ADIPOR2: variants seen among roughly 807,000 people sequenced by gnomAD.
The protein encoded by ADIPOR2 is adiponectin receptor protein 2.
In ADIPOR2, 18 loss-of-function variants were observed where a neutral mutation model predicts 40.9. The ratio of observed to expected loss-of-function variants is 0.44; its 90% CI spans 0.30 to 0.65. The LOEUF is 0.65. Among genes scored for constraint, ADIPOR2 ranks in the 30% least tolerant of loss-of-function variants. The pLI is 0.09. For synonymous variants in ADIPOR2, 165 were observed against 166.4 expected (o/e 0.99, Z 0.06); for missense variants, 283 against 479.2 (o/e 0.59, Z 3.82).
chr12:1,751,979 C>T (rs758252066), intron 1 of ADIPOR2, among the ~76,000 whole-genome samples: 6 of 150,932 alleles, frequency 4.0e-5, no homozygotes, highest in Non-Finnish European at 7.4e-5. Context: ...ATGATCTCGG[C>T]TCACTGCAGC....
At chr12:1,724,537 C>A (rs1211511099) in intron 1 of ADIPOR2, among the ~76,000 whole-genome samples, 1 of 152,046 alleles carries the variant, frequency 6.6e-6, no homozygotes, top group Non-Finnish European at 1.5e-5. Context: ...TTCAGTTTTG[C>A]AAGTTGTAGA....
At chr12:1,779,858 G>A (rs1034111707) in intron 4 of ADIPOR2, among the ~76,000 whole-genome samples, 1 of 152,150 alleles carries the variant, frequency 6.6e-6, no homozygotes, top group Admixed American at 6.5e-5. Flanking sequence ...TAAGCAATAG[G>A]AACATGGCAT....
In ADIPOR2 at chr12:1,786,920, T is replaced by C. The variant is rs1252403991; in HGVS notation, c.*848T>C. The C allele has an allele frequency of 6.6e-6, 1 of 152,136 alleles. No homozygotes were observed. The highest frequency in any genetic ancestry group is 1.9e-4 in the East Asian group (1 of 5,192). 9.4% of individuals were successfully genotyped at this position (152,136 alleles called of 1,614,324 possible). ...GATAAAGGCTCTAGTTAGGGTGTCA[T>C]TGTCATTTGAGAGACTGACACACTC... is the stretch of plus-strand genomic sequence containing the variant. On this transcript the variant is annotated 3_prime_UTR_variant, in exon 8 of 8. Transcript: ENST00000357103.
At chr12:1,771,171 C>T (rs866661541) in intron 2 of ADIPOR2, among the ~76,000 whole-genome samples, 1 of 152,146 alleles carries the variant, frequency 6.6e-6, no homozygotes, top group African/African-American at 2.4e-5. Context: ...CGCATGTGCA[C>T]ACAACAGACA....
chr12:1,692,099 T>TA (rs1555164655), intron 1 of ADIPOR2, among the ~76,000 whole-genome samples: 25 of 151,536 alleles, frequency 1.6e-4, no homozygotes, highest in Admixed American at 1.3e-3. Context: ...TTTTTTTTTT[T>TA]ATCACCCCTT....
intron 1 of ADIPOR2, among the ~76,000 whole-genome samples, chr12:1,723,667 A>G (rs770694518): frequency 1.3e-5 from 2 of 151,744 alleles, no homozygotes; most frequent in Non-Finnish European, 2.9e-5. Context: ...AAACAAAACA[A>G]CAACAACAAA....
chr12:1,769,690 C>T (rs1344769987), intron 2 of ADIPOR2, among the ~76,000 whole-genome samples: 2 of 151,930 alleles, frequency 1.3e-5, no homozygotes, highest in East Asian at 1.9e-4. Context: ...TACAGGCGCT[C>T]GCCACCTCAC....
At chr12:1,733,817 C>T (rs1422897090) in intron 1 of ADIPOR2, among the ~76,000 whole-genome samples, 2 of 146,112 alleles carry the variant, frequency 1.4e-5, no homozygotes, top group African/African-American at 5.0e-5. Flanking sequence ...TCCATGTGTT[C>T]TCATTGTTCA....
intron 1 of ADIPOR2, among the ~76,000 whole-genome samples, chr12:1,692,824 C>T (rs1297205037): frequency 6.6e-6 from 1 of 152,076 alleles, no homozygotes; most frequent in East Asian, 1.9e-4. Flanking sequence ...TTAAAGCCTG[C>T]AGGCCCAGTC....
intron 1 of ADIPOR2, among the ~76,000 whole-genome samples, chr12:1,748,983 C>T (rs1310136307): frequency 6.6e-6 from 1 of 152,128 alleles, no homozygotes; most frequent in Admixed American, 6.5e-5. Context: ...AAGTCGGGGC[C>T]TCCAGAACTT....
At chr12:1,712,750 C>T (rs1417836725) in intron 1 of ADIPOR2, among the ~76,000 whole-genome samples, 2 of 152,032 alleles carry the variant, frequency 1.3e-5, no homozygotes, top group Non-Finnish European at 2.9e-5. Flanking sequence ...GATCTGTAGT[C>T]GGCAAAAGCT....
At chr12:1,706,231 A>G (rs967927377) in intron 1 of ADIPOR2, among the ~76,000 whole-genome samples, 2 of 152,186 alleles carry the variant, frequency 1.3e-5, no homozygotes, top group African/African-American at 4.8e-5. Flanking sequence ...TGGTAAGTAG[A>G]GATAATGTTA....
intron 1 of ADIPOR2, among the ~76,000 whole-genome samples, chr12:1,749,831 A>AT (rs1565648180): frequency 2.7e-4 from 33 of 121,956 alleles, no homozygotes; most frequent in African/African-American, 9.9e-4. Flanking sequence ...CTATTTGTTT[A>AT]GTTTTTTTTT....
chr12:1,773,572 A>G (rs1310321231), intron 3 of ADIPOR2, among the ~76,000 whole-genome samples: 1 of 148,274 alleles, frequency 6.7e-6, no homozygotes, highest in Non-Finnish European at 1.5e-5. Flanking sequence ...GCCTGCTTAG[A>G]GAAAATAGAC....
At chr12:1,770,386 T>A (rs1248425213) in intron 2 of ADIPOR2, among the ~76,000 whole-genome samples, 1 of 152,248 alleles carries the variant, frequency 6.6e-6, no homozygotes, top group Non-Finnish European at 1.5e-5. Flanking sequence ...TGTATGAGAA[T>A]AAAGACTCTT....
intron 1 of ADIPOR2, among the ~76,000 whole-genome samples, chr12:1,705,014 AAAAC>A (rs1044965114): frequency 3.3e-5 from 5 of 152,320 alleles, no homozygotes; most frequent in South Asian, 4.1e-4. Flanking sequence ...ATTATAAAGC[AAAAC>A]AAACAAACAG....
At chr12:1,723,413 T>C (rs1367158424) in intron 1 of ADIPOR2, among the ~76,000 whole-genome samples, 1 of 144,178 alleles carries the variant, frequency 6.9e-6, no homozygotes, top group Non-Finnish European at 1.5e-5. Flanking sequence ...GTGGATCACC[T>C]GAGGTCAGGA....
At chr12:1,704,734 G>A (rs1156769460) in intron 1 of ADIPOR2, among the ~76,000 whole-genome samples, 1 of 152,150 alleles carries the variant, frequency 6.6e-6, no homozygotes, top group Non-Finnish European at 1.5e-5. Flanking sequence ...TAAGTATGAA[G>A]ACCATTTTTG....
At chr12:1,741,385 T>G (rs1204971555) in intron 1 of ADIPOR2, among the ~76,000 whole-genome samples, 1 of 152,022 alleles carries the variant, frequency 6.6e-6, no homozygotes, top group Non-Finnish European at 1.5e-5. Context: ...ATTTGAGAGA[T>G]ATTTTGGGAG....
Sources: allele counts gnomAD v4.1 joint callset (sites outside exome capture counted in the v4.1 genomes callset), GRCh38; gene constraint gnomAD v4.1.1; transcripts MANE v1.5; gene names NCBI Gene and HGNC (gene_info 2026-07-23, HGNC 2026-07-21).